TACR1: variants seen among roughly 807,000 people sequenced by gnomAD.
The protein encoded by TACR1 is tachykinin receptor 1.
TACR1 carries 25 observed loss-of-function variants against 35.8 expected under a neutral mutation model. The observed-to-expected ratio is 0.70, with a 90% confidence interval of 0.51 to 0.98. TACR1 has a LOEUF of 0.98. Ranked by LOEUF, TACR1 falls within the 50% of genes least tolerant of loss-of-function variation. The pLI, the probability that TACR1 is intolerant of heterozygous loss-of-function variation, is 0.00. For synonymous variants in TACR1, 195 were observed against 206.7 expected, an observed-to-expected ratio of 0.94 and a Z score of 0.48; for missense variants, 478 against 522.9, an observed-to-expected ratio of 0.91 and a Z score of 0.84.
intron 1 of TACR1, among the ~76,000 whole-genome samples, chr2:75,152,309 G>C (rs189520272): frequency 3.3e-5 from 5 of 152,266 alleles, no homozygotes; most frequent in Non-Finnish European, 1.5e-5. Context: ...TAATTCCCAC[G>C]TGTTGTGGGA....
At chr2:75,181,372 G>T (rs1192768044) in intron 1 of TACR1, among the ~76,000 whole-genome samples, 1 of 151,922 alleles carries the variant, frequency 6.6e-6, no homozygotes, top group African/African-American at 2.4e-5. Flanking sequence ...ATCTGAGCAG[G>T]TTCATTAAGG....
intron 1 of TACR1, among the ~76,000 whole-genome samples, chr2:75,172,891 T>G (rs1485198649): frequency 6.6e-6 from 1 of 152,156 alleles, no homozygotes; most frequent in African/African-American, 2.4e-5. Flanking sequence ...TCCCCGTATC[T>G]CTTCATATTG....
chr2:75,198,482 C>T, intron 1 of TACR1, 64 bp downstream of exon 1: 1 of 1,570,314 alleles, frequency 6.4e-7, no homozygotes, highest in Non-Finnish European at 8.7e-7. Flanking sequence ...CAGTTCCAAA[C>T]CTCACAGCAA....
chr2:75,159,404 C>G (rs1159892924), intron 1 of TACR1, among the ~76,000 whole-genome samples: 2 of 151,888 alleles, frequency 1.3e-5, no homozygotes, highest in Non-Finnish European at 2.9e-5. Context: ...TTTTCTCTCC[C>G]CAACTTCCTG....
At chr2:75,180,904 C>T (rs2104046791) in intron 1 of TACR1, among the ~76,000 whole-genome samples, 1 of 152,326 alleles carries the variant, frequency 6.6e-6, no homozygotes, top group South Asian at 2.1e-4. Context: ...TGAATTTCTA[C>T]AGTGGATATT....
chr2:75,123,622 A>C (rs945677948), intron 1 of TACR1, among the ~76,000 whole-genome samples: 3 of 152,228 alleles, frequency 2.0e-5, no homozygotes, highest in African/African-American at 7.2e-5. Flanking sequence ...AGAATAAAAA[A>C]GACTGGCTTT....
intron 1 of TACR1, among the ~76,000 whole-genome samples, chr2:75,181,461 C>A (rs1169949978): frequency 2.6e-5 from 4 of 152,010 alleles, no homozygotes; most frequent in Admixed American, 2.0e-4. Context: ...TTTATCTTTC[C>A]CCATATAAAA....
At chr2:75,163,283 T>A (rs1406308019) in intron 1 of TACR1, among the ~76,000 whole-genome samples, 1 of 152,146 alleles carries the variant, frequency 6.6e-6, no homozygotes, top group East Asian at 1.9e-4. Flanking sequence ...CTTTTATCAA[T>A]TTTTTTACCC....
At chr2:75,087,315 G>A (rs1036207429) in intron 2 of TACR1, among the ~76,000 whole-genome samples, 1 of 152,202 alleles carries the variant, frequency 6.6e-6, no homozygotes, top group African/African-American at 2.4e-5. Context: ...GAATGTTGAA[G>A]TAAGATGACC....
At chr2:75,149,551 G>T (rs942918172) in intron 1 of TACR1, among the ~76,000 whole-genome samples, 1 of 152,006 alleles carries the variant, frequency 6.6e-6, no homozygotes, top group African/African-American at 2.4e-5. Context: ...GTCTGTTGTT[G>T]GTGTATAGGA....
intron 1 of TACR1, among the ~76,000 whole-genome samples, chr2:75,146,310 A>C (rs1020170175): frequency 6.6e-6 from 1 of 152,110 alleles, no homozygotes; most frequent in Admixed American, 6.6e-5. Flanking sequence ...TTTAGTATAC[A>C]CAGTGTTTCA....
intron 1 of TACR1, among the ~76,000 whole-genome samples, chr2:75,134,107 G>C (rs950065536): frequency 1.3e-5 from 2 of 152,188 alleles, no homozygotes; most frequent in Non-Finnish European, 2.9e-5. Flanking sequence ...CCCTTATTTA[G>C]CATGTAACTA....
At chr2:75,150,565 T>G (rs557275488) in intron 1 of TACR1, among the ~76,000 whole-genome samples, 1 of 152,184 alleles carries the variant, frequency 6.6e-6, no homozygotes, top group East Asian at 1.9e-4. Flanking sequence ...CCTGCCATGA[T>G]TGTGAGGCCT....
chr2:75,184,182 A>C (rs1331015375), intron 1 of TACR1, among the ~76,000 whole-genome samples: 1 of 152,214 alleles, frequency 6.6e-6, no homozygotes, highest in Non-Finnish European at 1.5e-5. Context: ...GAGTTCTAGA[A>C]CAGTTGAAGA....
At chr2:75,141,313 T>G (rs996604744) in intron 1 of TACR1, among the ~76,000 whole-genome samples, 5 of 152,216 alleles carry the variant, frequency 3.3e-5, no homozygotes, top group African/African-American at 9.7e-5. Context: ...AATGTTAACT[T>G]TTCCCTATTC....
intron 1 of TACR1, among the ~76,000 whole-genome samples, chr2:75,121,225 C>G (rs1026130972): frequency 6.6e-6 from 1 of 152,154 alleles, no homozygotes; most frequent in African/African-American, 2.4e-5. Flanking sequence ...AGTCCTACCT[C>G]GGTCCATACA....
intron 1 of TACR1, among the ~76,000 whole-genome samples, chr2:75,144,559 A>G (rs759657500): frequency 1.5e-4 from 23 of 152,224 alleles, no homozygotes; most frequent in Non-Finnish European, 2.9e-4. Flanking sequence ...ATGATTTAGC[A>G]GTTTGAAGAA....
intron 1 of TACR1, among the ~76,000 whole-genome samples, chr2:75,183,667 C>A (rs2104056353): frequency 6.6e-6 from 1 of 152,252 alleles, no homozygotes; most frequent in East Asian, 1.9e-4. Flanking sequence ...CCGAAGCTGG[C>A]TTTTGCCTTG....
At chr2:75,146,329 A>C (rs915173751) in intron 1 of TACR1, among the ~76,000 whole-genome samples, 4 of 151,970 alleles carry the variant, frequency 2.6e-5, no homozygotes, top group African/African-American at 9.7e-5. Context: ...CACCATGTTG[A>C]CCAGGCTGGT....
Sources: gnomAD v4.1 joint callset for allele counts (sites outside exome capture counted in the v4.1 genomes callset) on GRCh38, gnomAD v4.1.1 for gene constraint, MANE v1.5 for transcripts, NCBI Gene and HGNC (gene_info 2026-07-23, HGNC 2026-07-21) for gene names.